DPYSL5: variants seen among roughly 807,000 people sequenced by gnomAD.
The protein encoded by DPYSL5 is dihydropyrimidinase-related protein 5.
A neutral mutation model predicts 58.4 loss-of-function variants in DPYSL5; 9 were observed. The ratio of observed to expected loss-of-function variants is 0.15; its 90% confidence interval spans 0.09 to 0.27. The LOEUF (loss-of-function observed/expected upper bound fraction) is 0.27. DPYSL5 is among the 10% of genes least tolerant of loss of function. DPYSL5 has a pLI of 1.00. For missense variants in DPYSL5, 499 were observed against 770.6 expected (o/e 0.65, Z 4.17); for synonymous variants, 293 against 301.9 (o/e 0.97, Z 0.31).
chr2:26,901,992 A>G (rs1664170941), intron 2 of DPYSL5, among the ~76,000 whole-genome samples: 1 of 149,460 alleles, frequency 6.7e-6, no homozygotes, highest in African/African-American at 2.5e-5. Context: ...TCCCCTGCTC[A>G]CAGCCTGGTC....
intron 2 of DPYSL5, among the ~76,000 whole-genome samples, chr2:26,914,903 C>T (rs1029718013): frequency 6.6e-6 from 1 of 152,090 alleles, no homozygotes; most frequent in African/African-American, 2.4e-5. Context: ...AGTTTCTGTG[C>T]CTTGGTAAGA....
chr2:26,848,549 C>A (rs1369993861), intron 1 of DPYSL5: 3 of 152,370 alleles, frequency 2.0e-5, no homozygotes, highest in Non-Finnish European at 4.4e-5. Flanking sequence ...GGTGAGGAGG[C>A]GGCTCGGCCG....
In DPYSL5 at chr2:26,924,782, A is replaced by T; in HGVS notation, c.262-105A>T. 7.0e-7 allele frequency: 1 copy of T among 1,437,934 alleles called. No homozygotes were observed. Among genetic ancestry groups the T allele is most frequent in the Non-Finnish European group, 9.3e-7 (1 of 1,080,910 alleles). 89.1% of individuals were successfully genotyped at this position (1,437,934 alleles called of 1,614,324 possible). A position where few individuals can be genotyped will look rare whatever the true frequency, so the allele number is the denominator to read the frequency against. ...CCCTTGGTCCTCACAGCCTCTTGTG[A>T]GGCAGGGCCTGTCTTTGAATGGACC... On this transcript the variant is annotated intron_variant, in intron 2 of 12. Coordinates refer to ENST00000288699, the MANE Select transcript of DPYSL5 (RefSeq NM_020134.4). This position sits in a 1 kb window ranked among gnomAD's most constrained non-coding sequence, Gnocchi z 4.7.
At chr2:26,916,520 C>T (rs530774031) in intron 2 of DPYSL5, among the ~76,000 whole-genome samples, 2 of 152,178 alleles carry the variant, frequency 1.3e-5, no homozygotes, top group Non-Finnish European at 2.9e-5. Context: ...CAAACTTTGC[C>T]GATGTGATGG....
At position 26,944,652 on chromosome 2, in the gene DPYSL5, C is replaced by T. The variant is rs370632562; in HGVS notation, c.1441-4C>T. On this transcript the variant is annotated splice_polypyrimidine_tract_variant and splice_region_variant and intron_variant, in intron 11 of 12. Coordinates refer to ENST00000288699, the MANE Select transcript of DPYSL5 (RefSeq NM_020134.4). This position sits in a 1 kb window ranked among gnomAD's most constrained non-coding sequence, Gnocchi z 4.4. ...TCTTCTGCTCTTCTTCCATCCTTCC[C>T]TAGACTTTAAAGGTTAGAGGAGTGG... The T allele has an allele frequency of 6.2e-7, 1 of 1,613,138 alleles. No homozygotes were observed. Among genetic ancestry groups the T allele is most frequent in the African/African-American group, 1.3e-5 (1 of 74,904 alleles).
chr2:26,942,804 T>C lies in DPYSL5; in HGVS notation c.1440+54T>C. The C allele has an allele frequency of 6.3e-7, 1 of 1,580,942 alleles. No homozygotes were observed. The highest frequency in any genetic ancestry group is 1.1e-5 in the South Asian group (1 of 89,862). On this transcript the variant is annotated intron_variant, in intron 11 of 12. Coordinates refer to ENST00000288699, the MANE Select transcript of DPYSL5 (RefSeq NM_020134.4). The surrounding 1 kb of genome is among the most constrained non-coding windows in gnomAD (Gnocchi z 5.9). ...TGTTGGCGCCCCCTGCCGGGGAACA[T>C]CCTCCATGACTGTTTTAAATCTCAA...
intron 2 of DPYSL5, among the ~76,000 whole-genome samples, chr2:26,903,864 C>T (rs1664222233): frequency 6.6e-6 from 1 of 152,196 alleles, no homozygotes; most frequent in African/African-American, 2.4e-5. Context: ...CTATGGCAAT[C>T]GTCAGTGAGA....
At chr2:26,857,363 AC>A (rs1665904493) in intron 1 of DPYSL5, among the ~76,000 whole-genome samples, 1 of 151,826 alleles carries the variant, frequency 6.6e-6, no homozygotes, top group African/African-American at 2.4e-5. Context: ...ATATAGCGAA[AC>A]CCCGTCTCTA....
chr2:26,866,965 C>G (rs1666159602), intron 1 of DPYSL5, among the ~76,000 whole-genome samples: 1 of 151,964 alleles, frequency 6.6e-6, no homozygotes, highest in South Asian at 2.1e-4. Context: ...AACTCCTGAC[C>G]TCAAATGATT....
rs1251300694 is a variant in DPYSL5, at chr2:26,849,023, G to A, written c.-5+769G>A. Among the ~76,000 whole-genome samples, 1 of 152,162 alleles carries A rather than the reference G, an allele frequency of 6.6e-6. No homozygotes were observed. Among genetic ancestry groups the A allele is most frequent in the Non-Finnish European group, 1.5e-5 (1 of 68,022 alleles). On this transcript the variant is annotated intron_variant, in intron 1 of 12. Transcript: ENST00000288699. This position sits in a 1 kb window ranked among gnomAD's most constrained non-coding sequence, Gnocchi z 6.2. ...TGAGCTGGAGAGAAGCCGGGAGAGGGCGAGGGGAGGCCTCGGTTGAGAAAA... is the reference window on the plus strand; with the variant it reads ...TGAGCTGGAGAGAAGCCGGGAGAGGACGAGGGGAGGCCTCGGTTGAGAAAA...
intron 1 of DPYSL5, among the ~76,000 whole-genome samples, chr2:26,882,038 C>T (rs1663578609): frequency 6.8e-6 from 1 of 146,434 alleles, no homozygotes; most frequent in African/African-American, 2.6e-5. Flanking sequence ...TTGCAGTGAG[C>T]CGAGATCACA....
At chr2:26,941,456 T>A (rs76822622) in intron 9 of DPYSL5, among the ~76,000 whole-genome samples, 1 of 152,292 alleles carries the variant, frequency 6.6e-6, no homozygotes, top group Admixed American at 6.5e-5. Flanking sequence ...TCTAAAATAG[T>A]ATGAGCCCCA....
chr2:26,869,794 G>A (rs149585693), intron 1 of DPYSL5, among the ~76,000 whole-genome samples: 7,178 of 152,104 alleles, frequency 0.047, 587 homozygotes, highest in African/African-American at 0.16. Flanking sequence ...GGCGGATCAC[G>A]AAGTCAGGAG....
rs1160845325 is a variant in DPYSL5, at chr2:26,942,438, A to C, written c.1233-105A>C. The stretch of plus-strand genomic sequence containing the variant: ...CAGCAGAAGAATTTTGAAGGGAGCC[A>C]ATTCAACCCATAACAACCAGCCTTT... On this transcript the variant is annotated intron_variant, in intron 10 of 12. Transcript: ENST00000288699. This position sits in a 1 kb window ranked among gnomAD's most constrained non-coding sequence, Gnocchi z 5.9. 3 of 1,305,486 alleles carry C rather than the reference A, an allele frequency of 2.3e-6. No homozygotes were observed. The highest frequency in any genetic ancestry group is 3.2e-6 in the Non-Finnish European group (3 of 942,370). 80.9% of individuals were successfully genotyped at this position (1,305,486 alleles called of 1,614,324 possible). A position where few individuals can be genotyped will look rare whatever the true frequency, so the allele number is the denominator to read the frequency against.
At position 26,931,211 on chromosome 2, in the gene DPYSL5, A is replaced by ATATATATATATATATG. The variant is rs1664978617; in HGVS notation, c.670-414_670-413insGTATATATATATATAT. ...TGTGTGTGTGTGTGTGTGTATATATATATATATATATATATATATGAATTA... is the reference window on the plus strand; with the variant it reads ...TGTGTGTGTGTGTGTGTGTATATATATATATATATATATATGTATATATATATATATATATGAATTA... On this transcript the variant is annotated intron_variant, in intron 5 of 12. Transcript: ENST00000288699. Among the ~76,000 whole-genome samples the ATATATATATATATATG allele has an allele frequency of 4.0e-5, 3 of 75,472 alleles. No homozygotes were observed. In the South Asian group the frequency reaches 1.5e-3, roughly 37 times the overall value. The allele number at this position is 75,472 out of a possible 152,430, so 49.5% of individuals were successfully genotyped here.
In DPYSL5 at chr2:26,898,015, C is replaced by T. The variant is rs1343824068; in HGVS notation, c.-4-481C>T. Among the ~76,000 whole-genome samples the T allele has an allele frequency of 6.6e-6, 1 of 152,318 alleles. No individual in the cohort carries two copies. The highest frequency in any genetic ancestry group is 2.1e-4 in the South Asian group (1 of 4,824). Reference sequence around the variant, plus strand: ...AGAGTTCAGCTCTGAGACACACCCCCAGAGGCTCTGGTGTTTTCAGGATAC... The same window carrying T: ...AGAGTTCAGCTCTGAGACACACCCCTAGAGGCTCTGGTGTTTTCAGGATAC... On this transcript the variant is annotated intron_variant, in intron 1 of 12. Transcript: ENST00000288699. This position sits in a 1 kb window ranked among gnomAD's most constrained non-coding sequence, Gnocchi z 6.1.
chr2:26,945,458 G>C (rs896013775), intron 12 of DPYSL5, among the ~76,000 whole-genome samples: 9 of 151,960 alleles, frequency 5.9e-5, no homozygotes, highest in African/African-American at 2.2e-4. Context: ...GGGTTCCTTG[G>C]GGGGTGCGAT....
chr2:26,905,289 T>G lies in DPYSL5; in HGVS notation c.261+6529T>G, dbSNP rs1664259709. 6.6e-6 allele frequency among the ~76,000 whole-genome samples: 1 copy of G among 152,188 alleles called. No individual in the cohort carries two copies. Among genetic ancestry groups the G allele is most frequent in the Non-Finnish European group, 1.5e-5 (1 of 68,034 alleles). On this transcript the variant is annotated intron_variant, in intron 2 of 12. Coordinates refer to ENST00000288699, the MANE Select transcript of DPYSL5 (RefSeq NM_020134.4). The surrounding 1 kb of genome is among the most constrained non-coding windows in gnomAD (Gnocchi z 4.0). ...ATGTATAAATGGTGTTTGTAAGGAT[T>G]AGATGAGATGATGCATGACAAATGC...
intron 2 of DPYSL5, among the ~76,000 whole-genome samples, chr2:26,910,540 A>C (rs1664407684): frequency 6.6e-6 from 1 of 150,624 alleles, no homozygotes; most frequent in African/African-American, 2.4e-5. Flanking sequence ...CACACCTTTT[A>C]CCCATGTTTT....
Sources: allele counts gnomAD v4.1 joint callset (sites outside exome capture counted in the v4.1 genomes callset), GRCh38; gene constraint gnomAD v4.1.1; non-coding constraint Gnocchi (gnomAD v3.1); transcripts MANE v1.5; gene names NCBI Gene and HGNC (gene_info 2026-07-23, HGNC 2026-07-21).